Variants in RIF1 observed in about 807,000 individuals in gnomAD.
RIF1 encodes the protein telomere-associated protein RIF1.
A neutral mutation model predicts 247.1 loss-of-function variants in RIF1; 45 were observed. The ratio of observed to expected loss-of-function variants is 0.18; its 90% CI spans 0.14 to 0.23. RIF1 has a LOEUF of 0.23. Ranked by LOEUF, RIF1 falls within the 10% of genes least tolerant of loss-of-function variation. RIF1 has a pLI of 1.00. For synonymous variants in RIF1, 1,087 were observed against 978.8 expected (o/e 1.11, Z -2.06); for missense variants, 2,967 against 2,862.5 (o/e 1.04, Z -0.83).
In RIF1 at chr2:151,465,393, A is replaced by C. The variant is rs2152504382; in HGVS notation, c.5873A>C (p.Lys1958Thr). ...RNDDSEADTA[K>T]LNAKEVATEE... ...GATGACTCTGAAGCAGACACAGCTA[A>C]ACTGAATGCCAAAGAAGTAGCAACT... The change falls in exon 30 of 36, where the codon AAA (lysine) becomes ACA (threonine). Residue 1958 changes from lysine to threonine, a missense_variant. Transcript: ENST00000444746. 1.2e-6 allele frequency: 2 copies of C among 1,613,718 alleles called. No individual in the cohort carries two copies. Among genetic ancestry groups the C allele is most frequent in the East Asian group, 4.5e-5 (2 of 44,866 alleles).
At chr2:151,427,512 AT>A (rs1241343292) in intron 8 of RIF1, among the ~76,000 whole-genome samples, 264 of 106,152 alleles carry the variant, frequency 2.5e-3, no homozygotes, top group African/African-American at 8.9e-3. Flanking sequence ...TGCCTGGCCT[AT>A]TTTTTTTTTT....
At chr2:151,491,037 CTTT>C (rs35824119) in intron 9 of RIF1, among the ~76,000 whole-genome samples, 17 of 138,030 alleles carry the variant, frequency 1.2e-4, no homozygotes, top group Admixed American at 2.2e-4. Context: ...ACATAATATC[CTTT>C]TTTTTTTTTT....
intron 20 of RIF1, among the ~76,000 whole-genome samples, chr2:151,451,323 G>A (rs1574065604): frequency 6.6e-6 from 1 of 152,276 alleles, no homozygotes; most frequent in East Asian, 1.9e-4. Flanking sequence ...CTATGTGTTT[G>A]TAGCTTAGGA....
the RIF1 span, chr2:151,533,353 G>A: frequency 2.4e-6 from 2 of 818,736 alleles, no homozygotes; most frequent in East Asian, 2.7e-5. Flanking sequence ...CATGGGCAGG[G>A]AGTGGAAGAG....
chr2:151,410,351 G>C, intron 1 of RIF1, 63 bp from the exon 2 acceptor site: 1 of 1,374,720 alleles, frequency 7.3e-7, no homozygotes, highest in Non-Finnish European at 1.0e-6. Context: ...GACTCACACT[G>C]GGCCGCCGCG....
At position 151,504,531 on chromosome 2, in the gene RIF1, G is replaced by A. The variant is rs191423579; in HGVS notation, c.*861+1346G>A. On this transcript the variant is annotated intron_variant and NMD_transcript_variant, in intron 12 of 13. Coordinates refer to the RIF1 transcript ENST00000454583. Reference sequence around the variant, plus strand: ...ACCACAGAGTATAAGCAGAGAGTGAGAAGGGAATGAGATCTAAATAATATG... The same window carrying A: ...ACCACAGAGTATAAGCAGAGAGTGAAAAGGGAATGAGATCTAAATAATATG... 1.7e-3 allele frequency among the ~76,000 whole-genome samples: 255 copies of A among 152,318 alleles called. 2 individuals are homozygous for A. In the South Asian group the frequency reaches 0.031, roughly 18 times the overall value.
chr2:151,432,524 T>C (rs562737601), intron 9 of RIF1, among the ~76,000 whole-genome samples: 1 of 152,304 alleles, frequency 6.6e-6, no homozygotes, highest in Non-Finnish European at 1.5e-5. Flanking sequence ...GTGGCCCCAG[T>C]AGTAATGATT....
intron 7 of RIF1, among the ~76,000 whole-genome samples, chr2:151,421,661 C>A (rs1476481817): frequency 6.6e-6 from 1 of 152,082 alleles, no homozygotes; most frequent in Non-Finnish European, 1.5e-5. Flanking sequence ...CCTCCCACTT[C>A]ACTCTCCCAA....
chr2:151,468,825 G>T, intron 33 of RIF1, 69 bp downstream of exon 33: 1 of 1,098,186 alleles, frequency 9.1e-7, no homozygotes, highest in South Asian at 1.3e-5. Flanking sequence ...TTATCTGATT[G>T]CTTGGTTCTC....
chr2:151,496,014 A>G (rs941649945), intron 10 of RIF1, among the ~76,000 whole-genome samples: 3 of 152,124 alleles, frequency 2.0e-5, no homozygotes, highest in African/African-American at 7.2e-5. Flanking sequence ...GTGGATAGAG[A>G]GTAAGTTTGG....
At chr2:151,489,609 C>G (rs1203531347) in intron 9 of RIF1, among the ~76,000 whole-genome samples, 1 of 152,082 alleles carries the variant, frequency 6.6e-6, no homozygotes, top group African/African-American at 2.4e-5. Context: ...GTTGCCTAGG[C>G]TGGTCTCAAA....
At chr2:151,410,606 AGAAT>A in intron 2 of RIF1, 79 bp downstream of exon 2, 2 of 1,142,710 alleles carry the variant, frequency 1.8e-6, no homozygotes, top group East Asian at 4.8e-5. Context: ...AGGGGCGCGT[AGAAT>A]GAATGTGAGT....
chr2:151,411,833 C>T (rs1019218605), intron 3 of RIF1, among the ~76,000 whole-genome samples: 6 of 152,186 alleles, frequency 3.9e-5, no homozygotes, highest in South Asian at 4.1e-4. Flanking sequence ...TTACCTTACA[C>T]GCTTTATCAC....
chr2:151,519,011 G>GT, the RIF1 span: 1 of 1,613,704 alleles, frequency 6.2e-7, no homozygotes. Context: ...CATGATCAGA[G>GT]ACTCCTTCAT....
At chr2:151,473,624 A>C (rs1338047478) in intron 34 of RIF1, among the ~76,000 whole-genome samples, 1 of 152,126 alleles carries the variant, frequency 6.6e-6, no homozygotes, top group Non-Finnish European at 1.5e-5. Flanking sequence ...TATTTTATTT[A>C]AGCTTGGAAA....
At chr2:151,441,846 A>T in intron 15 of RIF1, 59 bp from the exon 16 acceptor site, 2 of 764,826 alleles carry the variant, frequency 2.6e-6, no homozygotes, top group Non-Finnish European at 4.4e-6. Flanking sequence ...TAACACTCAG[A>T]TTTTTATTAG....
intron 34 of RIF1, 141 bp downstream of exon 34, chr2:151,470,005 C>T: frequency 2.1e-6 from 1 of 486,130 alleles, no homozygotes; most frequent in Non-Finnish European, 3.5e-6. Context: ...CATTGCACCT[C>T]AGATAAATTT....
In RIF1 at chr2:151,456,627, A is replaced by C. The variant is rs376237438; in HGVS notation, c.2652+7A>C. On this transcript the variant is annotated splice_region_variant and intron_variant, in intron 23 of 35. Transcript: ENST00000444746. ...TAGTTGTCTGAACAACAAGGTAAAA[A>C]TAGACAATTCTCCATAAACCATACT... 1.4e-6 allele frequency: 2 copies of C among 1,476,166 alleles called. No individual in the cohort carries two copies. The highest frequency in any genetic ancestry group is 1.9e-6 in the Non-Finnish European group (2 of 1,068,096). 91.4% of individuals were successfully genotyped at this position (1,476,166 alleles called of 1,614,324 possible).
At chr2:151,505,772 C>G (rs2068351479) in intron 12 of RIF1, among the ~76,000 whole-genome samples, 1 of 152,190 alleles carries the variant, frequency 6.6e-6, no homozygotes. Context: ...CGCTTTGTCT[C>G]TCTCTCGTCT....
Sources: allele counts gnomAD v4.1 joint callset (sites outside exome capture counted in the v4.1 genomes callset), GRCh38; gene constraint gnomAD v4.1.1; transcripts MANE v1.5; gene names NCBI Gene and HGNC (gene_info 2026-07-23, HGNC 2026-07-21).